REXO1: variants seen among roughly 807,000 people sequenced by gnomAD.
REXO1 encodes REX1, RNA exonuclease 1 homolog.
In REXO1, 42 loss-of-function variants were observed where a neutral mutation model predicts 102.6. The observed-to-expected ratio is 0.41, with a 90% CI of 0.32 to 0.53. The LOEUF (loss-of-function observed/expected upper bound fraction) is 0.53, where lower values mean the gene tolerates loss of function less well. Among genes scored for constraint, REXO1 ranks in the 20% least tolerant of loss-of-function variants. The pLI is 0.27. For missense variants in REXO1, 1,819 were observed against 1,732.5 expected, an observed-to-expected ratio of 1.05 and a Z score of -0.89; for synonymous variants, 908 against 779.1, an observed-to-expected ratio of 1.17 and a Z score of -2.76.
In REXO1 at chr19:1,826,611, G is replaced by A. The variant is rs1287333059; in HGVS notation, c.1911+267C>T. Among the ~76,000 whole-genome samples the A allele has an allele frequency of 6.6e-6, 1 of 152,058 alleles. No individual in the cohort carries two copies. Among genetic ancestry groups the A allele is most frequent in the African/African-American group, 2.4e-5 (1 of 41,392 alleles). ...CCAATATCCCCCTGCCAGTCAGTGG[G>A]AACAGACCGTGTGCACGTGGCCACA... On this transcript the variant is annotated intron_variant, in intron 2 of 15. Transcript: ENST00000170168. This position sits in a 1 kb window ranked among gnomAD's most constrained non-coding sequence, Gnocchi z 4.3.
rs1599134838 is a variant in REXO1 at position 1,823,906 on chromosome 19, T to C, written c.2017-121A>G. On this transcript the variant is annotated intron_variant, in intron 3 of 15. Coordinates refer to ENST00000170168, the MANE Select transcript of REXO1 (RefSeq NM_020695.4). ...GGGCCGGAGGCACCACCTCCCTGGC[T>C]GCCTTCTGAGCTGCTGGGCACACTG... The C allele has an allele frequency of 5.8e-5, 24 of 416,516 alleles. 1 individual carries two copies. The East Asian group carries it at 8.2e-4, about 14-fold the overall frequency. 25.8% of individuals were successfully genotyped at this position (416,516 alleles called of 1,614,324 possible). A position where few individuals can be genotyped will look rare whatever the true frequency, so the allele number is the denominator to read the frequency against.
intron 5 of REXO1, among the ~76,000 whole-genome samples, chr19:1,821,012 C>A (rs1312046347): frequency 7.0e-6 from 1 of 143,448 alleles, no homozygotes; most frequent in East Asian, 2.1e-4. Context: ...AAAAAAAAAA[C>A]ACCAACCAAC....
At chr19:1,820,621 C>G (rs964858942) in intron 5 of REXO1, among the ~76,000 whole-genome samples, 4 of 152,206 alleles carry the variant, frequency 2.6e-5, no homozygotes, top group African/African-American at 4.8e-5. Context: ...CATGGGGGCA[C>G]AAGGGAACTT....
At position 1,831,674 on chromosome 19, in the gene REXO1, C is replaced by T. The variant is rs1002545991; in HGVS notation, c.158-3043G>A. ...CCTGACCAACAAGGAAAAACCCCAT[C>T]TCTACTAAAAATACAAAAAAATTAC... On this transcript the variant is annotated intron_variant, in intron 1 of 15. Coordinates refer to ENST00000170168, the MANE Select transcript of REXO1 (RefSeq NM_020695.4). Among the ~76,000 whole-genome samples the T allele has an allele frequency of 3.6e-4, 55 of 151,758 alleles. 2 individuals are homozygous for T. The highest frequency in any genetic ancestry group is 3.3e-3 in the Admixed American group (50 of 15,240).
intron 1 of REXO1, among the ~76,000 whole-genome samples, chr19:1,831,845 C>CAAA (rs745676775): frequency 1.6e-4 from 8 of 51,292 alleles, no homozygotes; most frequent in African/African-American, 2.1e-4. Flanking sequence ...AACTCCATCT[C>CAAA]AAAAAAAAAA....
chr19:1,839,363 G>A (rs1301322633), intron 1 of REXO1, among the ~76,000 whole-genome samples: 2 of 152,042 alleles, frequency 1.3e-5, no homozygotes, highest in Non-Finnish European at 2.9e-5. Context: ...TGTGCTCCCC[G>A]TCAGGCACAG....
At chr19:1,837,976 G>A (rs772737054) in intron 1 of REXO1, among the ~76,000 whole-genome samples, 1 of 152,212 alleles carries the variant, frequency 6.6e-6, no homozygotes, top group Non-Finnish European at 1.5e-5. Flanking sequence ...TAGGGGACAG[G>A]GACGGTAACC....
chr19:1,844,487 G>A (rs1290045720), intron 1 of REXO1, among the ~76,000 whole-genome samples: 1 of 152,206 alleles, frequency 6.6e-6, no homozygotes, highest in African/African-American at 2.4e-5. Context: ...CTGGGCTTCA[G>A]GAGATATTGG....
Position 1,838,553 on chromosome 19 carries a change from T to C in REXO1, c.157+9649A>G, listed in dbSNP as rs1273836966. On this transcript the variant is annotated intron_variant, in intron 1 of 15. Coordinates refer to ENST00000170168, the MANE Select transcript of REXO1 (RefSeq NM_020695.4). ...AGTAGCTCACGCCTGTAATCCCAGC[T>C]ACTCGGGAGGCTGAGGCAGGAGAAT... Among the ~76,000 whole-genome samples the C allele has an allele frequency of 2.1e-5, 3 of 144,992 alleles. 1 individual carries two copies. In the East Asian group the frequency reaches 6.3e-4, roughly 31 times the overall value.
At chr19:1,842,803 C>T (rs994602426) in intron 1 of REXO1, among the ~76,000 whole-genome samples, 19 of 152,384 alleles carry the variant, frequency 1.2e-4, no homozygotes, top group Admixed American at 3.9e-4. Context: ...CTGGCTCTTC[C>T]GTATTCTCTG....
Position 1,827,962 on chromosome 19 carries a change from CAG to C in REXO1, c.825_826del (p.Cys276Ter). On this transcript the variant is annotated frameshift_variant, in exon 2 of 16. Transcript: ENST00000170168. LOFTEE classifies it high-confidence loss of function. ...TGCATCGCAACTGCCAAAGGGGTCA[CAG>C]AGCTTCTTGGGAGCAGGTGTGTAGG... 6.2e-7 allele frequency: 1 copy of C among 1,613,684 alleles called. No homozygotes were observed. Among genetic ancestry groups the C allele is most frequent in the Non-Finnish European group, 8.5e-7 (1 of 1,179,860 alleles).
intron 1 of REXO1, among the ~76,000 whole-genome samples, chr19:1,834,488 C>T (rs897888073): frequency 5.3e-5 from 8 of 152,104 alleles, no homozygotes; most frequent in Non-Finnish European, 1.2e-4. Context: ...CATGATGGCT[C>T]GCTGAAGCTT....
Position 1,818,769 on chromosome 19 carries a change from G to A in REXO1, c.2839C>T (p.Pro947Ser), listed in dbSNP as rs771803815. 1.9e-6 allele frequency: 3 copies of A among 1,610,220 alleles called. No individual in the cohort carries two copies. The highest frequency in any genetic ancestry group is 2.5e-6 in the Non-Finnish European group (3 of 1,179,906). The change falls in exon 9 of 16, where the codon CCG (proline) becomes TCG (serine). Residue 947 changes from proline (P) to serine (S), a missense_variant. Coordinates refer to ENST00000170168, the MANE Select transcript of REXO1 (RefSeq NM_020695.4). ...DQLKENGYPFPHPERPGGAII... is the reference protein window; with the variant it reads ...DQLKENGYPFSHPERPGGAII... ...GCGCCCCCGGGCCGCTCTGGGTGCGGGAAGGGGTAGCCGTTCTCCTTGAGC... is the reference window on the plus strand; with the variant it reads ...GCGCCCCCGGGCCGCTCTGGGTGCGAGAAGGGGTAGCCGTTCTCCTTGAGC...
At chr19:1,845,919 C>G (rs2011516208) in intron 1 of REXO1, among the ~76,000 whole-genome samples, 1 of 152,178 alleles carries the variant, frequency 6.6e-6, no homozygotes, top group Non-Finnish European at 1.5e-5. Context: ...CTGCCCTGGC[C>G]AGGTGGTAGT....
chr19:1,832,689 C>T (rs545822449), intron 1 of REXO1, among the ~76,000 whole-genome samples: 1 of 151,088 alleles, frequency 6.6e-6, no homozygotes, highest in East Asian at 2.0e-4. Context: ...GAGACCAAGG[C>T]GGGCAGATCA....
rs1400399418 is a variant in REXO1, at chr19:1,827,088, G to A, written c.1701C>T (p.Pro567=). ...GGGGCGGGGAGGCCTTGAGCCGCTT[G>A]GGCGGCCCCTGCGCCTCCGGGAAGC... is the stretch of plus-strand genomic sequence containing the variant. The part of the protein sequence containing the change: ...SLGFPEAQGP[P]KRLKASPPPS... Residue 567 remains proline (P), a synonymous_variant, in exon 2 of 16, where the codon CCC becomes CCT. Coordinates refer to ENST00000170168, the MANE Select transcript of REXO1 (RefSeq NM_020695.4). 5 of 1,541,386 alleles carry A rather than the reference G, an allele frequency of 3.2e-6. No individual in the cohort carries two copies. In the East Asian group the frequency reaches 9.8e-5, roughly 30 times the overall value.
rs1054904263 is a variant in REXO1 at position 1,826,633 on chromosome 19, C to T, written c.1911+245G>A. Among the ~76,000 whole-genome samples the T allele has an allele frequency of 2.6e-5, 4 of 151,956 alleles. No individual in the cohort carries two copies. The highest frequency in any genetic ancestry group is 5.9e-5 in the Non-Finnish European group (4 of 67,964). ...TGGGAACAGACCGTGTGCACGTGGC[C>T]ACAGAAGCCTGGCTGGTGGCCACGG... On this transcript the variant is annotated intron_variant, in intron 2 of 15. Transcript: ENST00000170168. The surrounding 1 kb of genome is among the most constrained non-coding windows in gnomAD (Gnocchi z 4.3).
Position 1,828,178 on chromosome 19 carries a change from T to C in REXO1, c.611A>G (p.Lys204Arg), listed in dbSNP as rs2069798423. The C allele has an allele frequency of 6.2e-7, 1 of 1,608,682 alleles. No individual in the cohort carries two copies. ...GGGGALEYVP[K>R]AVSQPRRHSR... is the part of the protein sequence containing the mutation. ...GTGCCGCCGGGGCTGGCTCACAGCC[T>C]TGGGGACGTATTCCAGGGCACCGCC... Residue 204 changes from lysine (K) to arginine (R), a missense_variant, in exon 2 of 16, where the codon AAG (lysine) becomes AGG (arginine). By Grantham distance (26) the Lys-to-Arg change is conservative (BLOSUM62 2). Transcript: ENST00000170168.
Position 1,827,242 on chromosome 19 carries a change from A to C in REXO1, c.1547T>G (p.Leu516Arg). Residue 516 changes from leucine (L) to arginine (R), a missense_variant, in exon 2 of 16, where the codon CTG becomes CGG. Leu to Arg is a moderately radical substitution (Grantham distance 102). Coordinates refer to ENST00000170168, the MANE Select transcript of REXO1 (RefSeq NM_020695.4). The stretch of plus-strand genomic sequence containing the variant: ...GTCCCCAAAGAGGTCGGCGTGGCTC[A>C]GGGCCCGCTTCTTCAGCTTGGGGGC... ...QDAPKLKKRA[L>R]SHADLFGDES... 1 of 1,552,584 alleles carries C rather than the reference A, an allele frequency of 6.4e-7. No individual in the cohort carries two copies. Among genetic ancestry groups the C allele is most frequent in the Middle Eastern group, 1.7e-4 (1 of 5,984 alleles).
Sources: allele counts gnomAD v4.1 joint callset (sites outside exome capture counted in the v4.1 genomes callset), GRCh38; gene constraint gnomAD v4.1.1; non-coding constraint Gnocchi (gnomAD v3.1); transcripts MANE v1.5; gene names NCBI Gene and HGNC (gene_info 2026-07-23, HGNC 2026-07-21).